The following SHANK2 variants were observed in gnomAD, a reference collection of about 807,000 sequenced individuals.
The protein encoded by SHANK2 is SH3 and multiple ankyrin repeat domains protein 2.
A neutral mutation model predicts 133.7 loss-of-function variants in SHANK2; 43 were observed. That is an observed-to-expected ratio of 0.32 (90% CI 0.25 to 0.41). The LOEUF is 0.41. Among genes scored for constraint, SHANK2 ranks in the 10% least tolerant of loss-of-function variants. The probability of loss-of-function intolerance (pLI) is 1.00; values close to 1 mark genes in which losing one functional copy is unlikely to be tolerated. For synonymous variants in SHANK2, 1,017 were observed against 952.8 expected, an observed-to-expected ratio of 1.07 and a Z score of -1.24; for missense variants, 1,994 against 2,235.8, an observed-to-expected ratio of 0.89 and a Z score of 2.18.
At position 70,502,838 on chromosome 11, in the gene SHANK2, C is replaced by T. The variant is rs782793889; in HGVS notation, c.2155G>A (p.Val719Met). Residue 719 changes from valine to methionine, a missense_variant, in exon 18 of 26, where the codon GTG becomes ATG. Around this residue, in one of 5 missense-constraint regions of SHANK2, gnomAD observed 488 missense variants for 642.6 expected, o/e 0.76. Transcript: ENST00000601538. Reference protein sequence around the residue: ...GNHLVLKVVTVTRNLDPDDTA... With the variant: ...GNHLVLKVVTMTRNLDPDDTA... The stretch of plus-strand genomic sequence containing the variant: ...TCGTCGGGGTCCAGATTCCTGGTCA[C>T]CGTGACCACCTTAAGGACCAGGTGA... 2 of 1,611,826 alleles carry T rather than the reference C, an allele frequency of 1.2e-6. No individual in the cohort carries two copies. The highest frequency in any genetic ancestry group is 1.7e-6 in the Non-Finnish European group (2 of 1,179,328).
chr11:70,575,907 G>A (rs1244651059), intron 17 of SHANK2, among the ~76,000 whole-genome samples: 5 of 151,614 alleles, frequency 3.3e-5, no homozygotes, highest in Admixed American at 1.3e-4. Flanking sequence ...AATTCCTTAC[G>A]GCAGAATCCC....
chr11:70,664,465 G>A (rs1328145362), intron 15 of SHANK2, among the ~76,000 whole-genome samples: 1 of 152,178 alleles, frequency 6.6e-6, no homozygotes, highest in Admixed American at 6.5e-5. Flanking sequence ...GAGGGTGACC[G>A]CCTCCCTGAA....
intron 17 of SHANK2, among the ~76,000 whole-genome samples, chr11:70,584,661 T>C (rs1554986279): frequency 1.3e-5 from 2 of 152,188 alleles, no homozygotes; most frequent in Non-Finnish European, 2.9e-5. Flanking sequence ...GTAAAGCTCC[T>C]GTCCACATTT....
chr11:70,776,095 G>A (rs916527532), intron 14 of SHANK2, among the ~76,000 whole-genome samples: 2 of 152,234 alleles, frequency 1.3e-5, no homozygotes, highest in Admixed American at 6.5e-5. Context: ...GCAAGAGAAC[G>A]CAGGTCTGTC....
chr11:70,637,503 C>T (rs576939164), intron 17 of SHANK2, among the ~76,000 whole-genome samples: 64 of 152,264 alleles, frequency 4.2e-4, no homozygotes, highest in African/African-American at 1.3e-3. Context: ...CCCACAGAGA[C>T]AAATGAGCGG....
intron 25 of SHANK2, among the ~76,000 whole-genome samples, chr11:70,478,028 ACATTCAT>A (rs2058686011): frequency 6.6e-6 from 1 of 152,176 alleles, no homozygotes. Context: ...CTTTTAAATC[ACATTCAT>A]GTAGAAATGT....
intron 1 of SHANK2, among the ~76,000 whole-genome samples, chr11:71,230,986 A>T (rs1555122888): frequency 2.6e-5 from 4 of 152,198 alleles, no homozygotes; most frequent in Non-Finnish European, 5.9e-5. Flanking sequence ...ATGGGAGAAA[A>T]TCTTCAGGAT....
At chr11:70,562,708 T>A (rs1443319561) in intron 17 of SHANK2, among the ~76,000 whole-genome samples, 3 of 152,224 alleles carry the variant, frequency 2.0e-5, no homozygotes, top group Non-Finnish European at 4.4e-5. Context: ...ACTTGAAGAA[T>A]CTGCCCTTAA....
chr11:71,058,972 T>C (rs1950955094), intron 9 of SHANK2, among the ~76,000 whole-genome samples: 1 of 152,170 alleles, frequency 6.6e-6, no homozygotes, highest in Admixed American at 6.5e-5. Context: ...CCCAGCACTT[T>C]GGGAGGCTGA....
At chr11:70,626,416 G>A (rs1350328690) in intron 17 of SHANK2, among the ~76,000 whole-genome samples, 2 of 152,188 alleles carry the variant, frequency 1.3e-5, no homozygotes, top group Admixed American at 6.5e-5. Flanking sequence ...ATATCACAGC[G>A]AAGCCTGGTG....
chr11:70,606,318 G>A (rs1193585001), intron 17 of SHANK2, among the ~76,000 whole-genome samples: 2 of 152,058 alleles, frequency 1.3e-5, no homozygotes, highest in African/African-American at 4.8e-5. Context: ...ATGGGAGGCT[G>A]AGGTGGGAGG....
intron 14 of SHANK2, among the ~76,000 whole-genome samples, chr11:70,748,720 T>C (rs1399395815): frequency 1.3e-5 from 2 of 152,182 alleles, no homozygotes; most frequent in African/African-American, 4.8e-5. Context: ...AAGAAGGACA[T>C]TGTTTACAAC....
chr11:71,198,168 C>T (rs7127424), intron 2 of SHANK2, among the ~76,000 whole-genome samples: 3 of 152,022 alleles, frequency 2.0e-5, no homozygotes. Context: ...AGGTTGGTCT[C>T]GAATTCTTGT....
At chr11:71,161,355 G>C (rs1447440371) in intron 2 of SHANK2, among the ~76,000 whole-genome samples, 2 of 152,186 alleles carry the variant, frequency 1.3e-5, no homozygotes, top group Non-Finnish European at 2.9e-5. Context: ...CTGAAAAGCT[G>C]TCTCTTGTGG....
intron 10 of SHANK2, among the ~76,000 whole-genome samples, chr11:70,905,305 C>A (rs1481207029): frequency 6.6e-6 from 1 of 152,164 alleles, no homozygotes; most frequent in African/African-American, 2.4e-5. Context: ...TGCAAAATAC[C>A]TCCCTGGGCT....
chr11:70,711,138 G>C (rs1324698768), intron 14 of SHANK2, among the ~76,000 whole-genome samples: 1 of 152,182 alleles, frequency 6.6e-6, no homozygotes, highest in Non-Finnish European at 1.5e-5. Context: ...AATCACAGCA[G>C]TGGGCTCTGG....
chr11:70,884,260 GA>G (rs1949703080), intron 11 of SHANK2, among the ~76,000 whole-genome samples: 1 of 152,220 alleles, frequency 6.6e-6, no homozygotes, highest in Non-Finnish European at 1.5e-5. Context: ...GCAGGGGCCA[GA>G]CAGGCTAAAG....
intron 2 of SHANK2, among the ~76,000 whole-genome samples, chr11:71,177,402 G>A (rs556957268): frequency 6.6e-6 from 1 of 152,136 alleles, no homozygotes; most frequent in African/African-American, 2.4e-5. Flanking sequence ...TGGGAAAATG[G>A]AAGCATATTA....
In SHANK2 at chr11:70,523,767, T is replaced by A. The variant is rs187429677; in HGVS notation, c.2062-20836A>T. 3.2e-4 allele frequency among the ~76,000 whole-genome samples: 48 copies of A among 152,252 alleles called. No homozygotes were observed. In the South Asian group the frequency reaches 5.0e-3, roughly 16 times the overall value. ...CGGGATTCTCAGTCCACTATCTTGT[T>A]CTCAACAAGAATATCCATAATTTCA... On this transcript the variant is annotated intron_variant, in intron 17 of 25. Coordinates refer to ENST00000601538, the MANE Select transcript of SHANK2 (RefSeq NM_012309.5).
Sources: allele counts gnomAD v4.1 joint callset (sites outside exome capture counted in the v4.1 genomes callset), GRCh38; gene constraint gnomAD v4.1.1; regional missense constraint gnomAD v4.1.1; transcripts MANE v1.5; gene names NCBI Gene and HGNC (gene_info 2026-07-23, HGNC 2026-07-21).